Variants in SASH1 observed in about 807,000 individuals in gnomAD.
SASH1 encodes SAM and SH3 domain containing 1, also known as SAM and SH3 domain-containing protein 1.
Under a neutral mutation model 125.2 loss-of-function variants are expected in SASH1, and 44 were observed. That is an observed-to-expected ratio of 0.35 (90% CI 0.28 to 0.45). The LOEUF (loss-of-function observed/expected upper bound fraction) is 0.45. Ranked by LOEUF, SASH1 falls within the 20% of genes least tolerant of loss-of-function variation. The probability of loss-of-function intolerance (pLI) is 1.00; values close to 1 mark genes in which losing one functional copy is unlikely to be tolerated. For synonymous variants in SASH1, 639 were observed against 649.1 expected (o/e 0.98, Z 0.24); for missense variants, 1,426 against 1,614.5 (o/e 0.88, Z 2.00).
In SASH1 at chr6:148,288,683, G is replaced by A. The variant is rs918867648; in HGVS notation, n.74+16306G>A. Among the ~76,000 whole-genome samples, 9 of 59,562 alleles carry A rather than the reference G, an allele frequency of 1.5e-4. No individual in the cohort carries two copies. In the South Asian group the frequency reaches 3.5e-3, roughly 23 times the overall value. The allele number at this position is 59,562 out of a possible 152,430, so 39.1% of individuals were successfully genotyped here. ...TCACAGACACACACGGAATACACAC[G>A]TGTATGTACACACACACACACACAC... On this transcript the variant is annotated intron_variant and non_coding_transcript_variant, in intron 1 of 3. Coordinates refer to the SASH1 transcript ENST00000367469.
At chr6:148,325,399 C>T (rs1281755806) in intron 1 of SASH1, among the ~76,000 whole-genome samples, 1 of 152,108 alleles carries the variant, frequency 6.6e-6, no homozygotes, top group South Asian at 2.1e-4. Flanking sequence ...GCCTCAGCCT[C>T]CCAAGTAACT....
chr6:148,361,976 C>G (rs375759905), intron 1 of SASH1, among the ~76,000 whole-genome samples: 8 of 145,294 alleles, frequency 5.5e-5, no homozygotes, highest in Non-Finnish European at 1.0e-4. Context: ...TGCAGTGGCG[C>G]GATCTCGGCT....
the SASH1 span, among the ~76,000 whole-genome samples, chr6:148,211,341 C>T: frequency 1.3e-5 from 2 of 152,078 alleles, no homozygotes; most frequent in Non-Finnish European, 2.9e-5. Flanking sequence ...GAGGCCAAGG[C>T]GAGGGGATCA....
intron 1 of SASH1, among the ~76,000 whole-genome samples, chr6:148,303,587 A>G (rs568368961): frequency 6.9e-4 from 105 of 151,916 alleles, no homozygotes; most frequent in African/African-American, 2.4e-3. Context: ...ACTTGAGGTC[A>G]GGAGTTCGAG....
At chr6:148,263,705 A>G in the SASH1 span, among the ~76,000 whole-genome samples, 2 of 83,628 alleles carry the variant, frequency 2.4e-5, no homozygotes, top group Non-Finnish European at 5.2e-5. Context: ...TTGAACTGGA[A>G]CCTGAAAAGA....
Position 148,390,386 on chromosome 6 carries a change from T to C in SASH1, c.285+124T>C, listed in dbSNP as rs190639231. The C allele has an allele frequency of 7.0e-5, 64 of 917,440 alleles. No individual in the cohort carries two copies. In the East Asian group the frequency reaches 1.7e-3, roughly 25 times the overall value. The allele number at this position is 917,440 out of a possible 1,614,324, so 56.8% of individuals were successfully genotyped here. On this transcript the variant is annotated intron_variant, in intron 2 of 19. Coordinates refer to ENST00000367467, the MANE Select transcript of SASH1 (RefSeq NM_015278.5). Reference sequence around the variant, plus strand: ...CAATCTGTAGGCTGCTGCACTAGTGTGGGGTAGAATGTTCAGGTCCCTAAA... The same window carrying C: ...CAATCTGTAGGCTGCTGCACTAGTGCGGGGTAGAATGTTCAGGTCCCTAAA...
chr6:148,207,520 C>T, the SASH1 span, among the ~76,000 whole-genome samples: 1 of 152,214 alleles, frequency 6.6e-6, no homozygotes, highest in Admixed American at 6.5e-5. Flanking sequence ...AATGATGATA[C>T]TTAAGCTGTT....
Position 148,527,506 on chromosome 6 carries a change from T to C in SASH1, c.1338T>C (p.Ser446=), listed in dbSNP as rs35101453. 1,445 of 1,610,700 alleles carry C rather than the reference T, an allele frequency of 9.0e-4. 11 individuals are homozygous for C. In the African/African-American group the frequency reaches 0.017, roughly 19 times the overall value. The part of the protein sequence containing the change: ...YKEVIKSPTA[S]RISLGKKVKS... ...AAGTCATCAAATCACCTACTGCCTC[T>C]CGCATCTCTCTTGGGAAAAAGGTGA... Residue 446 remains serine, a synonymous_variant, in exon 12 of 20, where the codon TCT becomes TCC. Coordinates refer to ENST00000367467, the MANE Select transcript of SASH1 (RefSeq NM_015278.5).
the SASH1 span, among the ~76,000 whole-genome samples, chr6:148,231,644 A>G: frequency 6.6e-6 from 1 of 152,230 alleles, no homozygotes; most frequent in African/African-American, 2.4e-5. Context: ...GCTGTAATGT[A>G]GAAAATGATT....
intron 2 of SASH1, among the ~76,000 whole-genome samples, chr6:148,421,886 T>C (rs1785120364): frequency 6.6e-6 from 1 of 152,260 alleles, no homozygotes; most frequent in Non-Finnish European, 1.5e-5. Flanking sequence ...AGTCATTTGC[T>C]CATTTTTCTA....
chr6:148,343,321 C>T, intron 1 of SASH1, 98 bp downstream of exon 1: 1 of 1,175,976 alleles, frequency 8.5e-7, no homozygotes. Context: ...GGGCAACCCA[C>T]TCCGCAGAGG....
intron 1 of SASH1, among the ~76,000 whole-genome samples, chr6:148,301,144 T>C (rs1053154165): frequency 1.3e-5 from 2 of 150,742 alleles, no homozygotes; most frequent in Admixed American, 6.6e-5. Flanking sequence ...CTGACCAACA[T>C]GGAGAAACCC....
Position 148,298,637 on chromosome 6 carries a change from AGAAG to A in SASH1, n.74+26270_74+26273del, listed in dbSNP as rs1204782142. The stretch of plus-strand genomic sequence containing the variant: ...GCCTGAACAGAGTGAGAGGGATGAA[AGAAG>A]GAAGGAAGGGAGGGAGGGAGGGAGG... On this transcript the variant is annotated intron_variant and non_coding_transcript_variant, in intron 1 of 3. Transcript: ENST00000367469. Among the ~76,000 whole-genome samples the A allele has an allele frequency of 3.8e-4, 46 of 120,430 alleles. No homozygotes were observed. In the South Asian group the frequency reaches 3.9e-3, roughly 10 times the overall value. The allele number at this position is 120,430 out of a possible 152,430, so 79.0% of individuals were successfully genotyped here.
chr6:148,357,520 C>G (rs1215446488), intron 1 of SASH1, among the ~76,000 whole-genome samples: 1 of 152,160 alleles, frequency 6.6e-6, no homozygotes, highest in Non-Finnish European at 1.5e-5. Context: ...AGTTTCCACC[C>G]AGGCTCCCTG....
chr6:148,459,206 A>G (rs1777503389), intron 4 of SASH1, among the ~76,000 whole-genome samples: 1 of 152,188 alleles, frequency 6.6e-6, no homozygotes, highest in Admixed American at 6.5e-5. Context: ...AGACCCATGA[A>G]GCCACAAATG....
the SASH1 span, among the ~76,000 whole-genome samples, chr6:148,205,099 A>G: frequency 6.6e-6 from 1 of 152,140 alleles, no homozygotes; most frequent in East Asian, 1.9e-4. Flanking sequence ...TTGTCTTTTC[A>G]GATGTCTATT....
intron 8 of SASH1, among the ~76,000 whole-genome samples, chr6:148,499,092 CTG>C (rs1779453565): frequency 6.9e-6 from 1 of 144,282 alleles, no homozygotes; most frequent in Non-Finnish European, 1.5e-5. Flanking sequence ...GAGTCTCACT[CTG>C]TCGCCCAAGC....
At chr6:148,543,639 G>A (rs1254493262) in intron 17 of SASH1, 41 bp from the exon 18 acceptor site, 3 of 1,486,762 alleles carry the variant, frequency 2.0e-6, no homozygotes, top group Admixed American at 2.3e-5. Context: ...TGATTGATTT[G>A]CTTTTAAAAT....
chr6:148,540,438 T>C lies in SASH1; in HGVS notation c.2096-5T>C, dbSNP rs759717113. 6.2e-7 allele frequency: 1 copy of C among 1,612,274 alleles called. No individual in the cohort carries two copies. The highest frequency in any genetic ancestry group is 1.1e-5 in the South Asian group (1 of 90,934). The stretch of plus-strand genomic sequence containing the variant: ...GTTGATTTCATGCCGTGTTCTCTCC[T>C]CTAGGTAACAGCGACCAGTCAGGAT... On this transcript the variant is annotated splice_region_variant and splice_polypyrimidine_tract_variant and intron_variant, in intron 16 of 19. Coordinates refer to ENST00000367467, the MANE Select transcript of SASH1 (RefSeq NM_015278.5).
Sources: allele counts gnomAD v4.1 joint callset (sites outside exome capture counted in the v4.1 genomes callset), GRCh38; gene constraint gnomAD v4.1.1; transcripts MANE v1.5; gene names NCBI Gene and HGNC (gene_info 2026-07-23, HGNC 2026-07-21).